CD80: variants seen among roughly 807,000 people sequenced by gnomAD.
CD80 encodes the protein CD80 molecule, also known as T-lymphocyte activation antigen CD80.
A neutral mutation model predicts 27.1 loss-of-function variants in CD80; 13 were observed. The ratio of observed to expected loss-of-function variants is 0.48; its 90% CI spans 0.31 to 0.76. The LOEUF (loss-of-function observed/expected upper bound fraction) is 0.76, where lower values mean the gene tolerates loss of function less well. Among genes scored for constraint, CD80 ranks in the 30% least tolerant of loss-of-function variants. CD80 has a pLI of 0.04. For synonymous variants in CD80, 125 were observed against 125.5 expected (o/e 1.00, Z 0.03); for missense variants, 277 against 347.9 (o/e 0.80, Z 1.62).
chr3:119,536,037 G>T (rs890748171), intron 4 of CD80, among the ~76,000 whole-genome samples: 1 of 151,884 alleles, frequency 6.6e-6, no homozygotes, highest in African/African-American at 2.4e-5. Flanking sequence ...GGATCACGAG[G>T]TCAGGAGTTC....
intron 4 of CD80, among the ~76,000 whole-genome samples, chr3:119,535,045 A>G (rs1300278575): frequency 6.6e-6 from 1 of 152,102 alleles, no homozygotes; most frequent in Admixed American, 6.5e-5. Context: ...TACAAAAATT[A>G]TCTGTGTGTG....
intron 4 of CD80, among the ~76,000 whole-genome samples, chr3:119,535,438 A>G (rs866093525): frequency 3.9e-5 from 6 of 152,164 alleles, no homozygotes; most frequent in Non-Finnish European, 7.4e-5. Flanking sequence ...GGCTAGGGGT[A>G]GGGAGAGAGA....
At chr3:119,557,532 C>T (rs2082271239) in intron 2 of CD80, 97 bp downstream of exon 2, 2 of 726,784 alleles carry the variant, frequency 2.8e-6, no homozygotes, top group South Asian at 2.7e-5. Context: ...TTCCTTCCAG[C>T]TTATAGGATA....
At chr3:119,535,117 G>C (rs2082129763) in intron 4 of CD80, among the ~76,000 whole-genome samples, 1 of 151,846 alleles carries the variant, frequency 6.6e-6, no homozygotes. Context: ...GCTTCAACCT[G>C]GGAGGCGGAG....
At chr3:119,534,247 C>T (rs937941000) in intron 4 of CD80, among the ~76,000 whole-genome samples, 1 of 151,840 alleles carries the variant, frequency 6.6e-6, no homozygotes, top group African/African-American at 2.4e-5. Context: ...AGGCAGGCAC[C>T]TGTAATCCCA....
At chr3:119,547,626 T>C (rs1385070153) in intron 2 of CD80, among the ~76,000 whole-genome samples, 1 of 152,198 alleles carries the variant, frequency 6.6e-6, no homozygotes, top group Non-Finnish European at 1.5e-5. Flanking sequence ...TTGATTTGTG[T>C]GTATATTTTT....
intron 3 of CD80, among the ~76,000 whole-genome samples, chr3:119,542,651 TCTTG>T (rs1211973050): frequency 6.6e-6 from 1 of 152,198 alleles, no homozygotes; most frequent in African/African-American, 2.4e-5. Context: ...ACTGACTCCA[TCTTG>T]CTTCTAACCT....
chr3:119,537,964 A>C (rs1019433205), intron 3 of CD80, among the ~76,000 whole-genome samples: 1 of 152,216 alleles, frequency 6.6e-6, no homozygotes, highest in Non-Finnish European at 1.5e-5. Context: ...TATTACAGAA[A>C]GGAGAAGTAG....
chr3:119,524,775 G>A lies in CD80; in HGVS notation c.*1013C>T, dbSNP rs1393247036. On this transcript the variant is annotated 3_prime_UTR_variant, in exon 7 of 7. Transcript: ENST00000264246. ...GTCATGAGTAACATGAACAGCAGTTGGCTATGTCTTTCCAGTTCTCTGCTG... is the reference window on the plus strand; with the variant it reads ...GTCATGAGTAACATGAACAGCAGTTAGCTATGTCTTTCCAGTTCTCTGCTG... 6.6e-6 allele frequency: 1 copy of A among 152,186 alleles called. No individual in the cohort carries two copies. The highest frequency in any genetic ancestry group is 2.4e-5 in the African/African-American group (1 of 41,440). 9.4% of individuals were successfully genotyped at this position (152,186 alleles called of 1,614,324 possible). A position where few individuals can be genotyped will look rare whatever the true frequency, so the allele number is the denominator to read the frequency against.
intron 2 of CD80, 140 bp from the exon 3 acceptor site, chr3:119,545,007 TC>T: frequency 1.5e-6 from 1 of 667,940 alleles, no homozygotes; most frequent in Non-Finnish European, 2.5e-6. Flanking sequence ...ATTTTTGGGG[TC>T]CCCAATGCTT....
chr3:119,539,439 T>C (rs1392847762), intron 3 of CD80, among the ~76,000 whole-genome samples: 1 of 151,636 alleles, frequency 6.6e-6, no homozygotes, highest in Non-Finnish European at 1.5e-5. Context: ...AAAAAAGTAG[T>C]CTTTTACTCA....
chr3:119,525,285 A>G lies in CD80; in HGVS notation c.*503T>C, dbSNP rs1470064583. Reference sequence around the variant, plus strand: ...ACATTGGGCTTTTGTAAACAGCAGCATAAAATCTTCTACTCTGACATTAGG... The same window carrying G: ...ACATTGGGCTTTTGTAAACAGCAGCGTAAAATCTTCTACTCTGACATTAGG... On this transcript the variant is annotated 3_prime_UTR_variant, in exon 7 of 7. Coordinates refer to ENST00000264246, the MANE Select transcript of CD80 (RefSeq NM_005191.4). The G allele has an allele frequency of 6.6e-6, 1 of 150,904 alleles. No homozygotes were observed. Among genetic ancestry groups the G allele is most frequent in the Non-Finnish European group, 1.5e-5 (1 of 68,030 alleles). 9.3% of individuals were successfully genotyped at this position (150,904 alleles called of 1,614,324 possible). A position where few individuals can be genotyped will look rare whatever the true frequency, so the allele number is the denominator to read the frequency against.
intron 2 of CD80, among the ~76,000 whole-genome samples, chr3:119,556,709 G>A (rs2082266741): frequency 6.6e-6 from 1 of 152,154 alleles, no homozygotes. Flanking sequence ...TACTTTATGT[G>A]AGAAGTTTTT....
rs142784280 is a variant in CD80, at chr3:119,537,151, A to T, written c.686T>A (p.Phe229Tyr). The T allele has an allele frequency of 4.0e-4, 647 of 1,612,562 alleles. No individual in the cohort carries two copies. Among genetic ancestry groups the T allele is most frequent in the Non-Finnish European group, 4.9e-4 (577 of 1,178,634 alleles). ...ATGTCACTTACTTGTATTCCAGTTG[A>T]AGGTCTGATTCACTCTTAAATGTCC... ...KYGHLRVNQT[F>Y]NWNTTKQEHF... The change falls in exon 4 of 7, where the codon TTC (phenylalanine) becomes TAC (tyrosine). Residue 229 changes from phenylalanine (F) to tyrosine (Y), a missense_variant. Phe to Tyr is a conservative substitution (Grantham distance 22). Transcript: ENST00000264246.
At chr3:119,547,730 CTA>C (rs1315452638) in intron 2 of CD80, among the ~76,000 whole-genome samples, 2 of 152,200 alleles carry the variant, frequency 1.3e-5, no homozygotes, top group Non-Finnish European at 2.9e-5. Context: ...TTACCTAAAT[CTA>C]TGTTTGCAGC....
chr3:119,538,101 C>T lies in CD80; in HGVS notation c.419-683G>A, dbSNP rs78402129. ...TTACCTCATTTTGTCCTCACAGAAA[C>T]CCTAGAGAGGTAGGTTGTAGATCTA... On this transcript the variant is annotated intron_variant, in intron 3 of 6. Coordinates refer to ENST00000264246, the MANE Select transcript of CD80 (RefSeq NM_005191.4). Among the ~76,000 whole-genome samples, 10 of 152,238 alleles carry T rather than the reference C, an allele frequency of 6.6e-5. No homozygotes were observed. In the East Asian group the frequency reaches 1.7e-3, roughly 26 times the overall value.
rs1419668006 is a variant in CD80, at chr3:119,527,741, C to G, written c.*30G>C. Reference sequence around the variant, plus strand: ...GAGATGACGGAGGCTACCTTCAGATCTTTTCAGCCCCTTGCTTCTGCGGAC... The same window carrying G: ...GAGATGACGGAGGCTACCTTCAGATGTTTTCAGCCCCTTGCTTCTGCGGAC... On this transcript the variant is annotated 3_prime_UTR_variant, in exon 6 of 7. Coordinates refer to ENST00000264246, the MANE Select transcript of CD80 (RefSeq NM_005191.4). The G allele has an allele frequency of 6.3e-7, 1 of 1,591,102 alleles. No homozygotes were observed. The highest frequency in any genetic ancestry group is 1.3e-5 in the African/African-American group (1 of 74,450).
chr3:119,558,109 A>C (rs1169695845), intron 1 of CD80, among the ~76,000 whole-genome samples, 181 bp from the exon 2 acceptor site: 3 of 152,180 alleles, frequency 2.0e-5, no homozygotes, highest in African/African-American at 7.2e-5. Flanking sequence ...CCAAGAACCA[A>C]CCACAGCCCT....
In CD80 at chr3:119,524,458, A is replaced by C. The variant is rs547485451; in HGVS notation, c.*1330T>G. 1 of 152,334 alleles carries C rather than the reference A, an allele frequency of 6.6e-6. No individual in the cohort carries two copies. Among genetic ancestry groups the C allele is most frequent in the South Asian group, 2.1e-4 (1 of 4,828 alleles). The allele number at this position is 152,334 out of a possible 1,614,324, so 9.4% of individuals were successfully genotyped here. On this transcript the variant is annotated 3_prime_UTR_variant, in exon 7 of 7. Transcript: ENST00000264246. ...AAGTATTCCTGTCAATACGGGAAACACTGCTAGTACCTTATGTTGGTGTTA... is the reference window on the plus strand; with the variant it reads ...AAGTATTCCTGTCAATACGGGAAACCCTGCTAGTACCTTATGTTGGTGTTA...
Sources: allele counts gnomAD v4.1 joint callset (sites outside exome capture counted in the v4.1 genomes callset), GRCh38; gene constraint gnomAD v4.1.1; transcripts MANE v1.5; gene names NCBI Gene and HGNC (gene_info 2026-07-23, HGNC 2026-07-21).